WDPCP: variants seen among roughly 807,000 people sequenced by gnomAD.
WDPCP encodes WD repeat-containing and planar cell polarity effector protein fritz homolog.
A neutral mutation model predicts 93.1 loss-of-function variants in WDPCP; 71 were observed. That is an observed-to-expected ratio of 0.76 (90% CI 0.63 to 0.93). The LOEUF is 0.93. Among genes scored for constraint, WDPCP ranks in the 40% least tolerant of loss-of-function variants. The pLI is 0.00. For missense variants in WDPCP, 844 were observed against 887.4 expected (o/e 0.95, Z 0.62); for synonymous variants, 315 against 315.0 (o/e 1.00, Z 0.00).
At chr2:63,757,540 G>A (rs1157383672) in intron 2 of WDPCP, among the ~76,000 whole-genome samples, 1 of 152,136 alleles carries the variant, frequency 6.6e-6, no homozygotes, top group Non-Finnish European at 1.5e-5. Context: ...GGACTTTGGG[G>A]CTTTCTCCCT....
chr2:63,139,168 T>TATAC (rs1553538965), intron 17 of WDPCP, among the ~76,000 whole-genome samples: 1 of 60,102 alleles, frequency 1.7e-5, no homozygotes, highest in African/African-American at 5.0e-5. Context: ...TATATATGTG[T>TATAC]ATACACACAC....
intron 1 of WDPCP, chr2:63,564,405 A>C (rs1301815310): frequency 6.6e-6 from 1 of 152,176 alleles, no homozygotes; most frequent in Non-Finnish European, 1.5e-5. Flanking sequence ...AATTTCAGCC[A>C]CAGTTTTTCT....
At chr2:63,828,455 A>G (rs1671144614), upstream of WDPCP, among the ~76,000 whole-genome samples, 3 of 152,240 alleles carry the variant, frequency 2.0e-5, no homozygotes, top group East Asian at 1.9e-4. Context: ...CCTTCCCCCA[A>G]GAATATATAT....
intron 2 of WDPCP, among the ~76,000 whole-genome samples, chr2:63,665,409 C>T (rs1040775429): frequency 4.6e-5 from 7 of 152,208 alleles, no homozygotes; most frequent in Non-Finnish European, 2.9e-5. Context: ...AATCTTCACT[C>T]TGTGTATGTC....
chr2:63,688,784 T>TA (rs1021047685), intron 2 of WDPCP, among the ~76,000 whole-genome samples: 4 of 151,578 alleles, frequency 2.6e-5, no homozygotes, highest in Admixed American at 2.0e-4. Context: ...AATTAAAAAT[T>TA]AAAAAAAAAT....
At chr2:63,217,133 G>C (rs1677426337) in intron 14 of WDPCP, among the ~76,000 whole-genome samples, 1 of 152,216 alleles carries the variant, frequency 6.6e-6, no homozygotes, top group South Asian at 2.1e-4. Context: ...ATGCCTGTTA[G>C]TCTTTAACTT....
chr2:63,472,807 A>T (rs542768747), intron 6 of WDPCP, among the ~76,000 whole-genome samples: 6 of 152,126 alleles, frequency 3.9e-5, no homozygotes, highest in African/African-American at 1.4e-4. Flanking sequence ...TGATCCACCC[A>T]CCTTGGCCCC....
intron 1 of WDPCP, among the ~76,000 whole-genome samples, chr2:63,510,389 C>T (rs931681896): frequency 3.9e-5 from 6 of 152,086 alleles, no homozygotes; most frequent in Admixed American, 1.3e-4. Flanking sequence ...CACTCCTCCA[C>T]GCTAAGAACA....
chr2:63,785,541 A>AT (rs927116289), intron 2 of WDPCP, among the ~76,000 whole-genome samples: 11 of 151,994 alleles, frequency 7.2e-5, no homozygotes, highest in African/African-American at 2.7e-4. Context: ...CCAGCAGATA[A>AT]TTTTTTCCCT....
intron 3 of WDPCP, among the ~76,000 whole-genome samples, chr2:63,636,812 C>T (rs1158240424): frequency 6.6e-6 from 1 of 152,122 alleles, no homozygotes; most frequent in Non-Finnish European, 1.5e-5. Context: ...TTCAAGAATA[C>T]ACAATGAAGA....
chr2:63,554,216 C>T (rs547616824), intron 1 of WDPCP, among the ~76,000 whole-genome samples: 4 of 152,246 alleles, frequency 2.6e-5, no homozygotes, highest in Non-Finnish European at 5.9e-5. Context: ...GAAGTTTCTT[C>T]GCTTTGAATT....
chr2:63,363,668 C>T (rs1371244654), intron 12 of WDPCP, among the ~76,000 whole-genome samples: 2 of 152,092 alleles, frequency 1.3e-5, no homozygotes, highest in African/African-American at 4.8e-5. Flanking sequence ...TATTAACCTT[C>T]AAATACGTAT....
At chr2:63,424,729 C>G (rs1273261927) in intron 9 of WDPCP, among the ~76,000 whole-genome samples, 1 of 152,136 alleles carries the variant, frequency 6.6e-6, no homozygotes, top group African/African-American at 2.4e-5. Flanking sequence ...CATGGGTATT[C>G]GTGGGCTGGT....
chr2:63,546,100 T>A (rs1705133773), intron 1 of WDPCP, among the ~76,000 whole-genome samples: 1 of 152,138 alleles, frequency 6.6e-6, no homozygotes, highest in African/African-American at 2.4e-5. Flanking sequence ...GGATACTATA[T>A]TCACTGAAGC....
intron 15 of WDPCP, chr2:63,168,943 C>T (rs1279540645): frequency 6.6e-6 from 1 of 152,182 alleles, no homozygotes. Flanking sequence ...CCTTTAGTCT[C>T]TTCTTTTCCT....
rs115866758 is a variant in WDPCP at position 63,450,155 on chromosome 2, C to T, written c.385-10284G>A. Among the ~76,000 whole-genome samples, 1,207 of 152,294 alleles carry T rather than the reference C, an allele frequency of 7.9e-3. 14 individuals are homozygous for T. Among genetic ancestry groups the T allele is most frequent in the African/African-American group, 0.028 (1,163 of 41,544 alleles). On this transcript the variant is annotated intron_variant, in intron 6 of 17. Coordinates refer to ENST00000272321, the MANE Select transcript of WDPCP (RefSeq NM_015910.7). ...GGGCTCACACATAGAAACCAGGACTCCTTCTTCCTTTCCACACACCACTGC... is the reference window on the plus strand; with the variant it reads ...GGGCTCACACATAGAAACCAGGACTTCTTCTTCCTTTCCACACACCACTGC...
chr2:63,749,631 G>A (rs1023674250), intron 2 of WDPCP, among the ~76,000 whole-genome samples: 1 of 152,096 alleles, frequency 6.6e-6, no homozygotes, highest in African/African-American at 2.4e-5. Flanking sequence ...CCTGTTTAAG[G>A]TAGGCTAGGC....
intron 6 of WDPCP, among the ~76,000 whole-genome samples, chr2:63,457,429 A>G (rs1280921656): frequency 6.6e-6 from 1 of 152,202 alleles, no homozygotes; most frequent in African/African-American, 2.4e-5. Flanking sequence ...ATTGAAGAGG[A>G]ATGAATTCAC....
intron 13 of WDPCP, among the ~76,000 whole-genome samples, chr2:63,304,213 A>T (rs1685550222): frequency 6.6e-6 from 1 of 152,218 alleles, no homozygotes; most frequent in South Asian, 2.1e-4. Flanking sequence ...ATTATTCACA[A>T]TAGTAAAGTC....
Sources: gnomAD v4.1 joint callset for allele counts (sites outside exome capture counted in the v4.1 genomes callset) on GRCh38, gnomAD v4.1.1 for gene constraint, MANE v1.5 for transcripts, NCBI Gene and HGNC (gene_info 2026-07-23, HGNC 2026-07-21) for gene names.